MAPK6: variants seen among roughly 807,000 people sequenced by gnomAD.
MAPK6 encodes ERK-3.
Under a neutral mutation model 59.3 loss-of-function variants are expected in MAPK6, and 19 were observed. That is an observed-to-expected ratio of 0.32 (90% CI 0.22 to 0.47). The LOEUF (loss-of-function observed/expected upper bound fraction) is 0.47, where lower values mean the gene tolerates loss of function less well. Among genes scored for constraint, MAPK6 ranks in the 20% least tolerant of loss-of-function variants. MAPK6 has a pLI of 1.00. For missense variants in MAPK6, 724 were observed against 847.9 expected (o/e 0.85, Z 1.81); for synonymous variants, 316 against 290.3 (o/e 1.09, Z -0.90).
chr15:52,008,635 A>G (rs1230175638), intron 3 of MAPK6, among the ~76,000 whole-genome samples: 1 of 152,212 alleles, frequency 6.6e-6, no homozygotes, highest in Non-Finnish European at 1.5e-5. Context: ...GAGTTCAAAG[A>G]TAAAATCATC....
chr15:52,046,778 T>C lies in MAPK6; in HGVS notation c.318T>C (p.Ile106=), dbSNP rs149935282. 2.4e-5 allele frequency: 39 copies of C among 1,613,984 alleles called. No individual in the cohort carries two copies. Among genetic ancestry groups the C allele is most frequent in the Non-Finnish European group, 3.2e-5 (38 of 1,179,940 alleles). Residue 106 remains isoleucine, a synonymous_variant, in exon 2 of 6, where the codon ATT becomes ATC. Transcript: ENST00000261845. The part of the protein sequence containing the change: ...GSLTELNSVY[I]VQEYMETDLA... The stretch of plus-strand genomic sequence containing the variant: ...TTACGGAACTGAACAGTGTTTACAT[T>C]GTTCAGGAGTACATGGAGACAGACT...
In MAPK6 at chr15:51,981,190, T is replaced by C. The variant is rs571007194; in HGVS notation, c.-879-2016T>C. Among the ~76,000 whole-genome samples the C allele has an allele frequency of 3.8e-4, 57 of 151,664 alleles. 1 individual carries two copies. Among genetic ancestry groups the C allele is most frequent in the South Asian group, 3.1e-3 (15 of 4,804 alleles). On this transcript the variant is annotated intron_variant, in intron 1 of 7. Coordinates refer to the MAPK6 transcript ENST00000691380. Reference sequence around the variant, plus strand: ...TGCTTCCTATGAAAATTCAGACTTATCGGCCGGGTGCGGTGGCTCATGCCT... The same window carrying C: ...TGCTTCCTATGAAAATTCAGACTTACCGGCCGGGTGCGGTGGCTCATGCCT...
Position 52,065,905 on chromosome 15 carries a change from T to A in MAPK6, c.*905T>A. The stretch of plus-strand genomic sequence containing the variant: ...ATTTGTATTTTGGAGGTGCTTGATC[T>A]ATCTACAAAGAAAAATTAATTAGGA... On this transcript the variant is annotated 3_prime_UTR_variant, in exon 6 of 6. Coordinates refer to ENST00000261845, the MANE Select transcript of MAPK6 (RefSeq NM_002748.4). 6.6e-6 allele frequency: 1 copy of A among 152,640 alleles called. No homozygotes were observed. Among genetic ancestry groups the A allele is most frequent in the Non-Finnish European group, 1.5e-5 (1 of 68,034 alleles). The allele number at this position is 152,640 out of a possible 1,614,324, so 9.5% of individuals were successfully genotyped here.
chr15:52,041,015 GC>G (rs1033606484), intron 1 of MAPK6, among the ~76,000 whole-genome samples: 3 of 152,094 alleles, frequency 2.0e-5, no homozygotes, highest in African/African-American at 7.2e-5. Flanking sequence ...CCCAGAATCA[GC>G]AATGGTTGGT....
In MAPK6 at chr15:52,066,911, G is replaced by GA. The variant is rs565161846; in HGVS notation, c.*1921dup. ...GCAGTCATGAGAATTGATTTGTGGG[G>GA]AAAAAAAAAATGGGACACTTTTAGT... On this transcript the variant is annotated 3_prime_UTR_variant, in exon 6 of 6. Coordinates refer to ENST00000261845, the MANE Select transcript of MAPK6 (RefSeq NM_002748.4). The GA allele has an allele frequency of 4.0e-4, 59 of 148,744 alleles. No individual in the cohort carries two copies. The highest frequency in any genetic ancestry group is 8.7e-4 in the Admixed American group (13 of 14,900). 9.2% of individuals were successfully genotyped at this position (148,744 alleles called of 1,614,324 possible). A position where few individuals can be genotyped will look rare whatever the true frequency, so the allele number is the denominator to read the frequency against.
chr15:51,993,981 A>C (rs921733789), intron 2 of MAPK6, among the ~76,000 whole-genome samples: 2 of 151,170 alleles, frequency 1.3e-5, no homozygotes, highest in African/African-American at 4.9e-5. Flanking sequence ...TTTTTTTGAG[A>C]CAGAGTTTTG....
Position 52,066,687 on chromosome 15 carries a change from C to A in MAPK6, c.*1687C>A, listed in dbSNP as rs1161958236. ...TCTTTCATCCTTGTTTTGTACAACA[C>A]CAATTCTATTAATATCTGCCCACCT... On this transcript the variant is annotated 3_prime_UTR_variant, in exon 6 of 6. Transcript: ENST00000261845. 6.6e-6 allele frequency: 1 copy of A among 151,878 alleles called. No homozygotes were observed. The highest frequency in any genetic ancestry group is 2.4e-5 in the African/African-American group (1 of 41,376). 9.4% of individuals were successfully genotyped at this position (151,878 alleles called of 1,614,324 possible). A position where few individuals can be genotyped will look rare whatever the true frequency, so the allele number is the denominator to read the frequency against.
chr15:52,060,561 G>C (rs1215932424), intron 4 of MAPK6, among the ~76,000 whole-genome samples: 4 of 152,214 alleles, frequency 2.6e-5, no homozygotes, highest in African/African-American at 9.6e-5. Context: ...GTAGATGGTG[G>C]TGGTGATCCA....
intron 2 of MAPK6, among the ~76,000 whole-genome samples, chr15:51,995,333 G>A (rs1331559697): frequency 1.3e-5 from 2 of 152,162 alleles, no homozygotes; most frequent in Non-Finnish European, 2.9e-5. Context: ...TCCCAAAAGG[G>A]CATGAGCTTG....
chr15:52,055,421 T>C (rs1442619899), intron 3 of MAPK6, among the ~76,000 whole-genome samples: 1 of 152,106 alleles, frequency 6.6e-6, no homozygotes, highest in Admixed American at 6.6e-5. Flanking sequence ...AAAAACAAAT[T>C]TAAGTCTATA....
At chr15:51,979,646 A>G (rs1408363459) in intron 1 of MAPK6, among the ~76,000 whole-genome samples, 1 of 151,736 alleles carries the variant, frequency 6.6e-6, no homozygotes, top group African/African-American at 2.4e-5. Context: ...TACTAAAATT[A>G]ACTGGATGTG....
chr15:51,984,289 A>AT (rs1351804607), intron 2 of MAPK6, among the ~76,000 whole-genome samples: 2 of 151,514 alleles, frequency 1.3e-5, no homozygotes, highest in African/African-American at 4.8e-5. Flanking sequence ...TCAGAAACAA[A>AT]TTTTTTTTCT....
intron 2 of MAPK6, among the ~76,000 whole-genome samples, chr15:52,047,645 C>T (rs1377118083): frequency 1.5e-5 from 2 of 137,550 alleles, no homozygotes; most frequent in African/African-American, 2.7e-5. Flanking sequence ...CATGCCCAGC[C>T]TTTTTTTTTT....
At chr15:51,999,604 G>C (rs1197804850) in intron 2 of MAPK6, among the ~76,000 whole-genome samples, 2 of 151,516 alleles carry the variant, frequency 1.3e-5, no homozygotes, top group Admixed American at 6.6e-5. Context: ...TTTTTTTAAG[G>C]TTTCCTTTTT....
intron 1 of MAPK6, among the ~76,000 whole-genome samples, chr15:52,024,280 G>C (rs956209198): frequency 5.3e-5 from 8 of 152,158 alleles, no homozygotes; most frequent in African/African-American, 1.9e-4. Context: ...GGTACTGAAA[G>C]TGTGATTTCT....
intron 1 of MAPK6, among the ~76,000 whole-genome samples, chr15:52,028,724 C>T (rs925875297): frequency 1.3e-5 from 2 of 152,182 alleles, no homozygotes; most frequent in African/African-American, 4.8e-5. Flanking sequence ...TTTATAAGCC[C>T]TCTCGCCATT....
chr15:52,036,457 C>T (rs2031245871), intron 1 of MAPK6, among the ~76,000 whole-genome samples: 1 of 152,172 alleles, frequency 6.6e-6, no homozygotes, highest in Non-Finnish European at 1.5e-5. Context: ...GTGAGGGTCT[C>T]CTTTCTGCAT....
intron 2 of MAPK6, among the ~76,000 whole-genome samples, chr15:51,995,349 G>T (rs1595960847): frequency 1.3e-5 from 2 of 152,248 alleles, no homozygotes; most frequent in South Asian, 4.2e-4. Context: ...GCTTGGGTGA[G>T]GTTGCTTTCT....
rs760308949 is a variant in MAPK6, at chr15:52,058,858, G to A, written c.865+61G>A. 32 of 1,416,140 alleles carry A rather than the reference G, an allele frequency of 2.3e-5. No homozygotes were observed. In the South Asian group the frequency reaches 2.6e-4, roughly 12 times the overall value. 87.7% of individuals were successfully genotyped at this position (1,416,140 alleles called of 1,614,324 possible). ...CTGTGTGTGAGGCAGAATCTGTGTA[G>A]GGAAGCTGGAGCTTTTTATCCTTAG... On this transcript the variant is annotated intron_variant, in intron 4 of 5. Transcript: ENST00000261845.
Sources: gnomAD v4.1 joint callset for allele counts (sites outside exome capture counted in the v4.1 genomes callset) on GRCh38, gnomAD v4.1.1 for gene constraint, MANE v1.5 for transcripts, NCBI Gene and HGNC (gene_info 2026-07-23, HGNC 2026-07-21) for gene names.